XKR9: variants seen among roughly 807,000 people sequenced by gnomAD.
XKR9 encodes the protein XK related 9.
Under a neutral mutation model 32.0 loss-of-function variants are expected in XKR9, and 32 were observed. The observed-to-expected ratio is 1.00, with a 90% CI of 0.76 to 1.34. The LOEUF (loss-of-function observed/expected upper bound fraction) is 1.34, where lower values mean the gene tolerates loss of function less well. XKR9 is among the 40% of genes most tolerant of loss of function. XKR9 has a pLI of 0.00. For missense variants in XKR9, 546 were observed against 429.7 expected, an observed-to-expected ratio of 1.27 and a Z score of -2.39; for synonymous variants, 168 against 143.4, an observed-to-expected ratio of 1.17 and a Z score of -1.22.
chr8:71,033,122 G>A, the XKR9 span, among the ~76,000 whole-genome samples: 1 of 151,856 alleles, frequency 6.6e-6, no homozygotes, highest in Non-Finnish European at 1.5e-5. Flanking sequence ...GAAACAGCAG[G>A]TAAAATAACC....
the XKR9 span, among the ~76,000 whole-genome samples, chr8:70,888,522 C>A: frequency 6.6e-6 from 1 of 151,856 alleles, no homozygotes; most frequent in South Asian, 2.1e-4. Flanking sequence ...TTTATAAAAT[C>A]TTTACACAGA....
At chr8:70,858,689 C>A in the XKR9 span, among the ~76,000 whole-genome samples, 1 of 151,998 alleles carries the variant, frequency 6.6e-6, no homozygotes, top group African/African-American at 2.4e-5. Context: ...ATAGAGAACC[C>A]AGATATAAAT....
chr8:71,010,203 T>G, the XKR9 span, among the ~76,000 whole-genome samples: 4 of 152,194 alleles, frequency 2.6e-5, no homozygotes, highest in African/African-American at 9.7e-5. Context: ...TGACAGCTGA[T>G]AAGAAGTGTT....
the XKR9 span, among the ~76,000 whole-genome samples, chr8:70,980,338 T>C: frequency 1.3e-5 from 2 of 152,250 alleles, no homozygotes; most frequent in African/African-American, 2.4e-5. Flanking sequence ...ACACATCTTC[T>C]GTGCCAGTCA....
chr8:70,968,059 C>T, the XKR9 span, among the ~76,000 whole-genome samples: 1 of 152,208 alleles, frequency 6.6e-6, no homozygotes, highest in Non-Finnish European at 1.5e-5. Context: ...CTCCCCATCT[C>T]TTTCAGGTGC....
At position 70,707,033 on chromosome 8, in the gene XKR9, A is replaced by G; in HGVS notation, c.373A>G (p.Ile125Val). ...ACAAATTGATCTACATAAAGAAGTT[A>G]TAGATAGAGTGACTGATTTGAGCAT... ...EEQIDLHKEVIDRVTDLSMLR... is the reference protein window; with the variant it reads ...EEQIDLHKEVVDRVTDLSMLR... Residue 125 changes from isoleucine to valine, a missense_variant, in exon 4 of 5, where the codon ATA becomes GTA. Ile to Val is a conservative substitution (Grantham distance 29). Transcript: ENST00000408926. The G allele has an allele frequency of 6.2e-7, 1 of 1,613,156 alleles. No homozygotes were observed. Among genetic ancestry groups the G allele is most frequent in the South Asian group, 1.1e-5 (1 of 91,042 alleles).
chr8:70,857,749 T>C, the XKR9 span, among the ~76,000 whole-genome samples: 33 of 152,220 alleles, frequency 2.2e-4, no homozygotes, highest in Middle Eastern at 6.8e-3. Context: ...CAGCAGCACA[T>C]CAAAAAGCTT....
chr8:71,028,283 TAGTTA>T, the XKR9 span, among the ~76,000 whole-genome samples: 1 of 152,244 alleles, frequency 6.6e-6, no homozygotes, highest in Non-Finnish European at 1.5e-5. Flanking sequence ...TTCACCTCGT[TAGTTA>T]AGTTTTTCCC....
At chr8:70,851,461 C>T in the XKR9 span, among the ~76,000 whole-genome samples, 1 of 151,946 alleles carries the variant, frequency 6.6e-6, no homozygotes, top group Non-Finnish European at 1.5e-5. Flanking sequence ...CCAAAAAAGA[C>T]CCCGTATAGC....
chr8:70,844,924 C>T, the XKR9 span, among the ~76,000 whole-genome samples: 1 of 152,242 alleles, frequency 6.6e-6, no homozygotes, highest in Non-Finnish European at 1.5e-5. Context: ...GCCTACCTAC[C>T]TGCCCTATGG....
intron 1 of XKR9, among the ~76,000 whole-genome samples, chr8:70,673,542 C>T (rs1818786736): frequency 6.6e-6 from 1 of 152,122 alleles, no homozygotes; most frequent in African/African-American, 2.4e-5. Context: ...GTGGCTCACG[C>T]CTGTAATCCC....
At chr8:70,941,928 G>T in the XKR9 span, among the ~76,000 whole-genome samples, 1 of 152,064 alleles carries the variant, frequency 6.6e-6, no homozygotes, top group Non-Finnish European at 1.5e-5. Flanking sequence ...CTGAAGAAAT[G>T]AGATTATATT....
chr8:70,984,151 C>T, the XKR9 span, among the ~76,000 whole-genome samples: 2 of 152,288 alleles, frequency 1.3e-5, no homozygotes. Context: ...GTCTGGAAAG[C>T]TTATGTGATT....
intron 4 of XKR9, among the ~76,000 whole-genome samples, chr8:70,711,747 A>C: frequency 1.3e-5 from 1 of 78,486 alleles, no homozygotes; most frequent in African/African-American, 3.9e-5. Flanking sequence ...ACCCATGTAA[A>C]AAACCTGCAC....
the XKR9 span, among the ~76,000 whole-genome samples, chr8:70,985,045 ATAGT>A: frequency 3.9e-5 from 6 of 152,220 alleles, no homozygotes; most frequent in Admixed American, 1.3e-4. Flanking sequence ...TGAGTTATTT[ATAGT>A]TAGTTATAGA....
At chr8:70,820,796 A>C in the XKR9 span, among the ~76,000 whole-genome samples, 9,545 of 152,218 alleles carry the variant, frequency 0.063, 419 homozygotes, top group Non-Finnish European at 0.089. Flanking sequence ...CATGAAGAGC[A>C]TGGGGGAAAC....
chr8:70,790,283 G>T (rs554020778), exon 4 of XKR9: 1 of 151,964 alleles, frequency 6.6e-6, no homozygotes, highest in African/African-American at 2.4e-5. Flanking sequence ...GTTGAAAGTA[G>T]GTCCAAAACT....
chr8:70,795,649 T>G, the XKR9 span, among the ~76,000 whole-genome samples: 3 of 152,182 alleles, frequency 2.0e-5, no homozygotes, highest in Non-Finnish European at 4.4e-5. Context: ...CATCTGTTAT[T>G]TTTTGACTTT....
At chr8:70,860,880 G>A in the XKR9 span, among the ~76,000 whole-genome samples, 6 of 151,960 alleles carry the variant, frequency 3.9e-5, no homozygotes, top group South Asian at 2.1e-4. Flanking sequence ...CCTAAGTAGC[G>A]TTACCTCTTA....
Sources: allele counts gnomAD v4.1 joint callset (sites outside exome capture counted in the v4.1 genomes callset), GRCh38; gene constraint gnomAD v4.1.1; transcripts MANE v1.5; gene names NCBI Gene and HGNC (gene_info 2026-07-23, HGNC 2026-07-21).